The following C2CD2 variants were observed in gnomAD, a reference collection of about 807,000 sequenced individuals.
The protein encoded by C2CD2 is C2 domain-containing protein 2.
C2CD2 carries 43 observed loss-of-function variants against 74.3 expected under a neutral mutation model. That is an observed-to-expected ratio of 0.58 (90% CI 0.45 to 0.75). The LOEUF is 0.75. C2CD2 is among the 30% of genes least tolerant of loss of function. The pLI is 0.00. For synonymous variants in C2CD2, 422 were observed against 390.7 expected (o/e 1.08, Z -0.94); for missense variants, 801 against 916.3 (o/e 0.87, Z 1.63).
intron 8 of C2CD2, 122 bp from the exon 9 acceptor site, chr21:41,907,906 A>C: frequency 1.0e-6 from 1 of 963,970 alleles, no homozygotes; most frequent in Non-Finnish European, 1.6e-6. Flanking sequence ...CCCACGGGGA[A>C]GTGCTCACGT....
intron 6 of C2CD2, among the ~76,000 whole-genome samples, chr21:41,913,892 G>A (rs566967039): frequency 5.3e-5 from 8 of 152,026 alleles, no homozygotes; most frequent in Non-Finnish European, 8.8e-5. Context: ...TCCCAGCATC[G>A]GAGTCCCGAG....
chr21:41,909,397 C>T (rs935886822), intron 8 of C2CD2, 62 bp downstream of exon 8: 21 of 1,133,922 alleles, frequency 1.9e-5, no homozygotes, highest in Middle Eastern at 2.0e-4. Flanking sequence ...TTCCTGAGGC[C>T]GAGGTCATGC....
intron 1 of C2CD2, among the ~76,000 whole-genome samples, chr21:41,944,122 T>C (rs2065377993): frequency 6.6e-6 from 1 of 152,196 alleles, no homozygotes; most frequent in African/African-American, 2.4e-5. Flanking sequence ...AGATACGCTG[T>C]TGCCTTATAC....
intron 2 of C2CD2, among the ~76,000 whole-genome samples, chr21:41,937,910 C>T (rs1601599085): frequency 6.6e-6 from 1 of 152,120 alleles, no homozygotes; most frequent in East Asian, 1.9e-4. Flanking sequence ...AAGTTAAACT[C>T]AAAGAAACCA....
At position 41,899,953 on chromosome 21, in the gene C2CD2, G is replaced by C. The variant is rs2064873862; in HGVS notation, c.1561-591C>G. Among the ~76,000 whole-genome samples, 1 of 151,982 alleles carries C rather than the reference G, an allele frequency of 6.6e-6. No individual in the cohort carries two copies. On this transcript the variant is annotated intron_variant, in intron 12 of 13. Transcript: ENST00000380486. The surrounding 1 kb of genome is among the most constrained non-coding windows in gnomAD (Gnocchi z 4.4). Reference sequence around the variant, plus strand: ...GGAGGGGAGAAAGTTTGGGGAGGAGGGCATGGGGGCTCCCTGAGGGCCAGT... The same window carrying C: ...GGAGGGGAGAAAGTTTGGGGAGGAGCGCATGGGGGCTCCCTGAGGGCCAGT...
chr21:41,944,264 G>GT (rs1247374430), intron 1 of C2CD2, among the ~76,000 whole-genome samples: 1 of 152,118 alleles, frequency 6.6e-6, no homozygotes, highest in African/African-American at 2.4e-5. Flanking sequence ...TGTAACCCCA[G>GT]CACTTTGGGA....
At chr21:41,908,243 T>TTGTGTGTGTGTGTGTGTGTGTGTGTGTG (rs10528071) in intron 8 of C2CD2, 1,980 of 168,890 alleles carry the variant, frequency 0.012, 74 homozygotes, top group East Asian at 0.031. Flanking sequence ...TACCCTCAAG[T>TTGTGTGTGTGTGTGTGTGTGTGTGTGTG]TGTGTGTGTG....
At position 41,918,895 on chromosome 21, in the gene C2CD2, C is replaced by T. The variant is rs201752704; in HGVS notation, c.558G>A (p.Pro186=). The change falls in exon 4 of 14, where the codon CCG becomes CCA. Residue 186 remains proline (P), a synonymous_variant. Transcript: ENST00000380486. ...TGGGCTGGATATTAACGGCCATTTCCGGCACACTGATGAAAGACCAGCTAA... is the reference window on the plus strand; with the variant it reads ...TGGGCTGGATATTAACGGCCATTTCTGGCACACTGATGAAAGACCAGCTAA... The part of the protein sequence containing the change: ...LQISWSFISV[P]EMAVNIQPKA... 6.1e-5 allele frequency: 98 copies of T among 1,614,024 alleles called. No individual in the cohort carries two copies. Among genetic ancestry groups the T allele is most frequent in the South Asian group, 1.1e-4 (10 of 91,082 alleles).
chr21:41,911,442 T>G (rs1018744122), intron 7 of C2CD2, among the ~76,000 whole-genome samples: 2 of 147,584 alleles, frequency 1.4e-5, no homozygotes, highest in Non-Finnish European at 1.5e-5. Flanking sequence ...CAGGCTGGAG[T>G]GTGCAGTGGT....
rs776195297 is a variant in C2CD2, at chr21:41,912,417, C to T, written c.868G>A (p.Val290Met). 32 of 1,611,906 alleles carry T rather than the reference C, an allele frequency of 2.0e-5. No individual in the cohort carries two copies. The highest frequency in any genetic ancestry group is 3.3e-5 in the Admixed American group (2 of 59,932). Residue 290 changes from valine (V) to methionine (M), a missense_variant, in exon 7 of 14, where the codon GTG becomes ATG. By Grantham distance (21) the Val-to-Met change is conservative (BLOSUM62 1). Coordinates refer to ENST00000380486, the MANE Select transcript of C2CD2 (RefSeq NM_015500.2). ...CTCTGAACAGGATCGTTCAGCTGCA[C>T]GACGCACACTGCATTAATGTGGCCT... ...ASGHINAVCV[V>M]QLNDPVQRFS...
rs566612810 is a variant in C2CD2, at chr21:41,924,446, C to G, written c.379-2361G>C. Among the ~76,000 whole-genome samples, 1 of 152,350 alleles carries G rather than the reference C, an allele frequency of 6.6e-6. No homozygotes were observed. Among genetic ancestry groups the G allele is most frequent in the African/African-American group, 2.4e-5 (1 of 41,574 alleles). ...CTTTCTACCGGTTCTTATAACGCCA[C>G]GTTCAGAAGACTGATACACATGAGT... On this transcript the variant is annotated intron_variant, in intron 2 of 13. Coordinates refer to ENST00000380486, the MANE Select transcript of C2CD2 (RefSeq NM_015500.2). This position sits in a 1 kb window ranked among gnomAD's most constrained non-coding sequence, Gnocchi z 4.4.
Position 41,907,032 on chromosome 21 carries a change from C to T in C2CD2, c.1278G>A (p.Lys426=), listed in dbSNP as rs1157274440. The T allele has an allele frequency of 1.9e-6, 3 of 1,614,160 alleles. No individual in the cohort carries two copies. Among genetic ancestry groups the T allele is most frequent in the Admixed American group, 1.7e-5 (1 of 60,020 alleles). ...ACGCCCTCCCCACGTCGACGCGAGG[C>T]TTGGTCTTCACAGCAGTGACAGTAG... ...VVTTVTAVKT[K]PRVDVGRASP... is the part of the protein sequence containing the mutation. Residue 426 remains lysine (K), a synonymous_variant, in exon 10 of 14, where the codon AAG becomes AAA. Coordinates refer to ENST00000380486, the MANE Select transcript of C2CD2 (RefSeq NM_015500.2).
At chr21:41,921,540 G>C (rs552313097) in intron 3 of C2CD2, among the ~76,000 whole-genome samples, 2 of 152,166 alleles carry the variant, frequency 1.3e-5, no homozygotes, top group Non-Finnish European at 2.9e-5. Context: ...AAAATAATAA[G>C]GGGGTTCTTT....
intron 7 of C2CD2, among the ~76,000 whole-genome samples, chr21:41,910,490 C>T (rs1011699583): frequency 2.0e-5 from 3 of 152,230 alleles, no homozygotes; most frequent in African/African-American, 7.2e-5. Context: ...GCCATTATCA[C>T]TCTCTTATTC....
At chr21:41,936,497 G>A (rs966553572) in intron 2 of C2CD2, among the ~76,000 whole-genome samples, 11 of 152,202 alleles carry the variant, frequency 7.2e-5, no homozygotes, top group African/African-American at 2.7e-4. Flanking sequence ...TGGTGACAAT[G>A]TAAATTATTC....
At chr21:41,909,356 A>G (rs1808625789) in intron 8 of C2CD2, 103 bp downstream of exon 8, 2 of 763,416 alleles carry the variant, frequency 2.6e-6, no homozygotes, top group African/African-American at 3.4e-5. Flanking sequence ...AGGAGGGGTC[A>G]GCTTCCTCTG....
intron 1 of C2CD2, among the ~76,000 whole-genome samples, chr21:41,950,707 G>C (rs1003895499): frequency 5.3e-5 from 8 of 152,228 alleles, no homozygotes; most frequent in African/African-American, 1.9e-4. Context: ...CAGTTCACGG[G>C]CCTCAGTCTC....
intron 11 of C2CD2, among the ~76,000 whole-genome samples, chr21:41,902,416 G>A (rs185802700): frequency 1.3e-5 from 2 of 152,298 alleles, no homozygotes; most frequent in East Asian, 1.9e-4. Flanking sequence ...AGAGCTCTGT[G>A]CACATTCTCT....
At chr21:41,942,581 G>A (rs1043592276) in intron 1 of C2CD2, among the ~76,000 whole-genome samples, 6 of 152,174 alleles carry the variant, frequency 3.9e-5, no homozygotes, top group African/African-American at 1.4e-4. Flanking sequence ...CAGACTCTTG[G>A]GGCAGGGCTG....
Sources: gnomAD v4.1 joint callset for allele counts (sites outside exome capture counted in the v4.1 genomes callset) on GRCh38, gnomAD v4.1.1 for gene constraint, Gnocchi (gnomAD v3.1) non-coding constraint, MANE v1.5 for transcripts, NCBI Gene and HGNC (gene_info 2026-07-23, HGNC 2026-07-21) for gene names.